PGBD2: variants seen among roughly 807,000 people sequenced by gnomAD.
The protein encoded by PGBD2 is piggyBac transposable element derived 2.
In PGBD2, 6 loss-of-function variants were observed where a neutral mutation model predicts 8.1. That is an observed-to-expected ratio of 0.74 (90% CI 0.40 to 1.46). The LOEUF is 1.46. PGBD2 is among the 40% of genes most tolerant of loss of function. The pLI, the probability that PGBD2 is intolerant of heterozygous loss-of-function variation, is 0.02. For synonymous variants in PGBD2, 318 were observed against 272.2 expected (o/e 1.17, Z -1.66); for missense variants, 802 against 739.0 (o/e 1.09, Z -0.99).
the PGBD2 span, among the ~76,000 whole-genome samples, chr1:248,879,480 A>G: frequency 6.6e-6 from 1 of 152,088 alleles, no homozygotes; most frequent in Non-Finnish European, 1.5e-5. Flanking sequence ...CCGCAGCCTC[A>G]ACCTTCCGGG....
intron 1 of PGBD2, among the ~76,000 whole-genome samples, chr1:248,908,095 T>C (rs2103103040): frequency 6.6e-6 from 1 of 152,366 alleles, no homozygotes; most frequent in South Asian, 2.1e-4. Flanking sequence ...ACCAGGATAT[T>C]AACACCTACA....
rs1418747394 is a variant in PGBD2 at position 248,918,739 on chromosome 1, G to C, written c.*376G>C. On this transcript the variant is annotated 3_prime_UTR_variant, in exon 3 of 3. Transcript: ENST00000329291. The stretch of plus-strand genomic sequence containing the variant: ...ATGCCATGGTTTATAATCTAAGATA[G>C]GCAATAGTGTATAAATATCATGTAA... The C allele has an allele frequency of 6.0e-6, 1 of 167,134 alleles. No individual in the cohort carries two copies. The highest frequency in any genetic ancestry group is 1.5e-5 in the Non-Finnish European group (1 of 68,266). 10.4% of individuals were successfully genotyped at this position (167,134 alleles called of 1,614,324 possible). A position where few individuals can be genotyped will look rare whatever the true frequency, so the allele number is the denominator to read the frequency against.
At position 248,919,012 on chromosome 1, in the gene PGBD2, A is replaced by T. The variant is rs886323286; in HGVS notation, c.*649A>T. The T allele has an allele frequency of 6.0e-6, 1 of 167,058 alleles. No homozygotes were observed. The highest frequency in any genetic ancestry group is 2.4e-5 in the African/African-American group (1 of 41,444). 10.3% of individuals were successfully genotyped at this position (167,058 alleles called of 1,614,324 possible). On this transcript the variant is annotated 3_prime_UTR_variant, in exon 3 of 3. Coordinates refer to ENST00000329291, the MANE Select transcript of PGBD2 (RefSeq NM_170725.3). ...GGGTTACATGAGATATTCTGATACA[A>T]ACATGCAATGTATAAAAATCACATC...
chr1:248,874,959 C>T, the PGBD2 span, among the ~76,000 whole-genome samples: 20 of 144,384 alleles, frequency 1.4e-4, no homozygotes, highest in African/African-American at 5.0e-4. Flanking sequence ...GATAGATAGA[C>T]AAATAGATAG....
chr1:248,911,371 C>A (rs569037743), intron 1 of PGBD2, among the ~76,000 whole-genome samples: 444 of 150,894 alleles, frequency 2.9e-3, no homozygotes, highest in East Asian at 0.011. Flanking sequence ...CATCTTGCAC[C>A]GCCCTTAATC....
At chr1:248,881,189 GTT>G in the PGBD2 span, among the ~76,000 whole-genome samples, 1 of 152,162 alleles carries the variant, frequency 6.6e-6, no homozygotes, top group Non-Finnish European at 1.5e-5. Context: ...AGCTTAAGCA[GTT>G]TAGAAATGAG....
At chr1:248,926,977 G>A in the PGBD2 span, among the ~76,000 whole-genome samples, 1 of 152,180 alleles carries the variant, frequency 6.6e-6, no homozygotes, top group Non-Finnish European at 1.5e-5. Flanking sequence ...TCAGCCTCGT[G>A]GTTAGTGGAG....
chr1:248,920,755 C>T (rs536037403), downstream of PGBD2, among the ~76,000 whole-genome samples: 3 of 152,180 alleles, frequency 2.0e-5, no homozygotes, highest in Non-Finnish European at 4.4e-5. Context: ...TTTACGGTCC[C>T]ACTAACAGTG....
chr1:248,916,884 G>A lies in PGBD2; in HGVS notation c.300G>A (p.Lys100=), dbSNP rs1464231593. The change falls in exon 3 of 3, where the codon AAG becomes AAA. Residue 100 remains lysine, a synonymous_variant. Coordinates refer to ENST00000329291, the MANE Select transcript of PGBD2 (RefSeq NM_170725.3). ...NDDLELQPAK[K]RQKAVVKPQR... is the part of the protein sequence containing the mutation. ...ACCTGGAGCTGCAGCCAGCCAAGAA[G>A]AGGCAGAAAGCAGTTGTGAAACCTC... 3 of 1,613,992 alleles carry A rather than the reference G, an allele frequency of 1.9e-6. No homozygotes were observed. In the African/African-American group the frequency reaches 4.0e-5, roughly 22 times the overall value.
the PGBD2 span, among the ~76,000 whole-genome samples, chr1:248,873,570 CT>C: frequency 6.6e-6 from 1 of 152,244 alleles, no homozygotes; most frequent in Admixed American, 6.5e-5. Context: ...GTAGCTCGAG[CT>C]TTGCCTTTCT....
At chr1:248,901,383 C>T (rs187625677), upstream of PGBD2, among the ~76,000 whole-genome samples, 1 of 152,188 alleles carries the variant, frequency 6.6e-6, no homozygotes, top group East Asian at 1.9e-4. Context: ...GGTACTGGTA[C>T]AAAAATGACA....
Position 248,918,470 on chromosome 1 carries a change from T to C in PGBD2, c.*107T>C. Reference sequence around the variant, plus strand: ...TTGGAAAAAAGACCTGAATTTCTAATGACTTGATTTTCTATTTTCTCCCTA... The same window carrying C: ...TTGGAAAAAAGACCTGAATTTCTAACGACTTGATTTTCTATTTTCTCCCTA... On this transcript the variant is annotated 3_prime_UTR_variant, in exon 3 of 3. Coordinates refer to ENST00000329291, the MANE Select transcript of PGBD2 (RefSeq NM_170725.3). The C allele has an allele frequency of 8.7e-7, 1 of 1,147,254 alleles. No homozygotes were observed. Among genetic ancestry groups the C allele is most frequent in the Non-Finnish European group, 1.2e-6 (1 of 830,036 alleles). The allele number at this position is 1,147,254 out of a possible 1,614,324, so 71.1% of individuals were successfully genotyped here.
upstream of PGBD2, among the ~76,000 whole-genome samples, chr1:248,903,329 T>C (rs1661565678): frequency 6.6e-6 from 1 of 151,982 alleles, no homozygotes; most frequent in African/African-American, 2.4e-5. Context: ...TTCCTGAGTA[T>C]CTGGGGCTAC....
the PGBD2 span, among the ~76,000 whole-genome samples, chr1:248,884,564 C>G: frequency 7.2e-5 from 11 of 152,256 alleles, no homozygotes; most frequent in South Asian, 2.3e-3. Flanking sequence ...CCAGGATGGT[C>G]TTGAACTCCT....
In PGBD2 at chr1:248,917,245, T is replaced by A; in HGVS notation, c.661T>A (p.Phe221Ile). The stretch of plus-strand genomic sequence containing the variant: ...GGCTGATGCAATTAGAAGGGACAGA[T>A]TTGAACTAATCTTCTCATACTTACA... ...LVADAIRRDR[F>I]ELIFSYLHFA... Residue 221 changes from phenylalanine (F) to isoleucine (I), a missense_variant, in exon 3 of 3, where the codon TTT becomes ATT. Coordinates refer to ENST00000329291, the MANE Select transcript of PGBD2 (RefSeq NM_170725.3). 1 of 1,614,186 alleles carries A rather than the reference T, an allele frequency of 6.2e-7. No individual in the cohort carries two copies. Among genetic ancestry groups the A allele is most frequent in the Middle Eastern group, 1.6e-4 (1 of 6,062 alleles).
Position 248,918,109 on chromosome 1 carries a change from G to T in PGBD2, c.1525G>T (p.Ala509Ser). Residue 509 changes from alanine to serine, a missense_variant, in exon 3 of 3, where the codon GCC becomes TCC. Coordinates refer to ENST00000329291, the MANE Select transcript of PGBD2 (RefSeq NM_170725.3). ...WQLHRICCQD[A>S]QVDLLAFRRY... ...GCTGCATAGAATCTGCTGCCAAGAT[G>T]CCCAGGTGGACCTCCTTGCCTTCCG... 1 of 1,614,180 alleles carries T rather than the reference G, an allele frequency of 6.2e-7. No homozygotes were observed. Among genetic ancestry groups the T allele is most frequent in the Middle Eastern group, 1.6e-4 (1 of 6,062 alleles).
chr1:248,875,308 C>CAAAAAAAAAAAAA, the PGBD2 span, among the ~76,000 whole-genome samples: 1,527 of 109,080 alleles, frequency 0.014, 4 homozygotes, highest in Non-Finnish European at 0.019. Flanking sequence ...AAAAACAAAA[C>CAAAAAAAAAAAAA]AAAAAAAAAA....
At chr1:248,922,859 C>A (rs1311029485), downstream of PGBD2, among the ~76,000 whole-genome samples, 2 of 152,094 alleles carry the variant, frequency 1.3e-5, no homozygotes, top group African/African-American at 4.8e-5. Context: ...CTCGGTTTGC[C>A]AGTATTTTGT....
chr1:248,904,695 T>A (rs978494051), upstream of PGBD2, among the ~76,000 whole-genome samples: 1 of 152,220 alleles, frequency 6.6e-6, no homozygotes, highest in Admixed American at 6.5e-5. Context: ...ATTTTCCCCC[T>A]TGAATTCTGC....
Sources: allele counts gnomAD v4.1 joint callset (sites outside exome capture counted in the v4.1 genomes callset), GRCh38; gene constraint gnomAD v4.1.1; transcripts MANE v1.5; gene names NCBI Gene and HGNC (gene_info 2026-07-23, HGNC 2026-07-21).